The following PALM2AKAP2 variants were observed in gnomAD, a reference collection of about 807,000 sequenced individuals.
PALM2AKAP2 encodes PALM2-AKAP2 fusion protein.
In PALM2AKAP2, 37 loss-of-function variants were observed where a neutral mutation model predicts 71.5. The observed-to-expected ratio is 0.52, with a 90% CI of 0.40 to 0.68. The LOEUF is 0.68. PALM2AKAP2 is among the 30% of genes least tolerant of loss of function. PALM2AKAP2 has a pLI of 0.00. For missense variants in PALM2AKAP2, 1,224 were observed against 1,191.8 expected, an observed-to-expected ratio of 1.03 and a Z score of -0.40; for synonymous variants, 468 against 478.8, an observed-to-expected ratio of 0.98 and a Z score of 0.29.
chr9:109,860,292 G>A (rs1829276823), intron 1 of PALM2AKAP2, among the ~76,000 whole-genome samples: 1 of 152,098 alleles, frequency 6.6e-6, no homozygotes, highest in Non-Finnish European at 1.5e-5. Flanking sequence ...CATTGAATCT[G>A]CAGTAGTGTT....
intron 1 of PALM2AKAP2, among the ~76,000 whole-genome samples, chr9:110,051,664 A>G (rs1274126378): frequency 6.6e-6 from 1 of 152,240 alleles, no homozygotes; most frequent in Non-Finnish European, 1.5e-5. Context: ...TTACTTCTGA[A>G]GACCAAGGAT....
At chr9:109,824,594 A>C (rs7871879) in intron 1 of PALM2AKAP2, among the ~76,000 whole-genome samples, 5 of 152,158 alleles carry the variant, frequency 3.3e-5, no homozygotes, top group Non-Finnish European at 7.4e-5. Context: ...TGGGGCTGTA[A>C]TATTCCCTAC....
chr9:109,860,349 T>G (rs890696467), intron 1 of PALM2AKAP2, among the ~76,000 whole-genome samples: 22 of 152,348 alleles, frequency 1.4e-4, no homozygotes, highest in African/African-American at 5.3e-4. Flanking sequence ...CATTGTGATT[T>G]CTTAATAGAA....
chr9:110,103,142 T>C (rs1226194236), intron 1 of PALM2AKAP2, among the ~76,000 whole-genome samples: 2 of 152,158 alleles, frequency 1.3e-5, no homozygotes, highest in East Asian at 3.8e-4. Flanking sequence ...ACTCTCCTAT[T>C]GTAGGCACTC....
chr9:110,008,621 AG>A (rs1832824810), intron 6 of PALM2AKAP2, among the ~76,000 whole-genome samples: 1 of 152,060 alleles, frequency 6.6e-6, no homozygotes, highest in African/African-American at 2.4e-5. Flanking sequence ...TCTTCCCATG[AG>A]GCTGGGCTAG....
intron 1 of PALM2AKAP2, among the ~76,000 whole-genome samples, chr9:110,132,032 CGTGTGTGT>C (rs3063946): frequency 0.44 from 64,561 of 147,344 alleles, 14,237 homozygotes; most frequent in Non-Finnish European, 0.5. Context: ...AAGTAACTAG[CGTGTGTGT>C]GTGTGTGTGT....
intron 1 of PALM2AKAP2, among the ~76,000 whole-genome samples, chr9:109,732,916 G>C (rs1215892431): frequency 6.6e-6 from 1 of 152,150 alleles, no homozygotes; most frequent in African/African-American, 2.4e-5. Context: ...TGGGCATGGG[G>C]TGGGTATGTG....
At chr9:109,751,638 G>C (rs892626150) in intron 1 of PALM2AKAP2, among the ~76,000 whole-genome samples, 2 of 152,126 alleles carry the variant, frequency 1.3e-5, no homozygotes, top group Admixed American at 6.6e-5. Flanking sequence ...AGCAGTTTGA[G>C]TAACAGTTCA....
chr9:109,695,615 A>G (rs916247947), intron 1 of PALM2AKAP2, among the ~76,000 whole-genome samples: 1 of 152,160 alleles, frequency 6.6e-6, no homozygotes, highest in African/African-American at 2.4e-5. Context: ...ATGTCTATTC[A>G]GGTTTTCCCA....
At chr9:109,993,837 A>T (rs1259644332) in intron 6 of PALM2AKAP2, among the ~76,000 whole-genome samples, 14 of 117,500 alleles carry the variant, frequency 1.2e-4, no homozygotes, top group Admixed American at 1.8e-4. Flanking sequence ...TCTCTCTTTT[A>T]CTCTCTCCCC....
chr9:110,133,709 T>C (rs1835784643), intron 1 of PALM2AKAP2, among the ~76,000 whole-genome samples: 1 of 151,954 alleles, frequency 6.6e-6, no homozygotes, highest in East Asian at 1.9e-4. Flanking sequence ...GAGAGCTCTG[T>C]TGTTCCCATG....
intron 1 of PALM2AKAP2, among the ~76,000 whole-genome samples, chr9:109,784,624 G>A (rs146284076): frequency 2.0e-5 from 3 of 152,326 alleles, no homozygotes; most frequent in African/African-American, 4.8e-5. Flanking sequence ...AGCTTATGAG[G>A]TAGGCACTAC....
intron 3 of PALM2AKAP2, among the ~76,000 whole-genome samples, chr9:110,157,554 A>G (rs1444825148): frequency 1.3e-5 from 2 of 152,016 alleles, no homozygotes; most frequent in East Asian, 1.9e-4. Flanking sequence ...GTATGCCACC[A>G]TACCTGGCTT....
intron 1 of PALM2AKAP2, among the ~76,000 whole-genome samples, chr9:109,784,964 G>A (rs1267399870): frequency 3.3e-5 from 5 of 152,318 alleles, no homozygotes; most frequent in East Asian, 3.9e-4. Flanking sequence ...AAAATTTAAT[G>A]GAACGAGTAA....
At chr9:109,827,837 G>C (rs1828194749) in intron 1 of PALM2AKAP2, among the ~76,000 whole-genome samples, 1 of 152,110 alleles carries the variant, frequency 6.6e-6, no homozygotes, top group African/African-American at 2.4e-5. Context: ...TATATTTGCA[G>C]CTTTACGGTG....
At chr9:109,889,332 T>G (rs1830036602) in intron 3 of PALM2AKAP2, among the ~76,000 whole-genome samples, 1 of 152,244 alleles carries the variant, frequency 6.6e-6, no homozygotes, top group Non-Finnish European at 1.5e-5. Flanking sequence ...AACTCCTATC[T>G]GATTCTTGAA....
chr9:109,773,019 A>G (rs4506295), intron 1 of PALM2AKAP2, among the ~76,000 whole-genome samples: 78,117 of 152,082 alleles, frequency 0.51, 22,573 homozygotes, highest in African/African-American at 0.78. Context: ...TTGGGAGGCT[A>G]AGGCCGGAGA....
At chr9:110,167,600 G>A (rs4978875) in intron 3 of PALM2AKAP2, among the ~76,000 whole-genome samples, 79,083 of 151,982 alleles carry the variant, frequency 0.52, 20,990 homozygotes, top group East Asian at 0.86. Flanking sequence ...CTTGTCCTTA[G>A]TGTTGTCACC....
intron 1 of PALM2AKAP2, among the ~76,000 whole-genome samples, chr9:110,116,065 G>A (rs1835354788): frequency 6.6e-6 from 1 of 152,186 alleles, no homozygotes; most frequent in Non-Finnish European, 1.5e-5. Flanking sequence ...CCTGGACTCA[G>A]CTCCCATAGA....
Sources: allele counts gnomAD v4.1 joint callset (sites outside exome capture counted in the v4.1 genomes callset), GRCh38; gene constraint gnomAD v4.1.1; transcripts MANE v1.5; gene names NCBI Gene and HGNC (gene_info 2026-07-23, HGNC 2026-07-21).